DGKB: variants seen among roughly 807,000 people sequenced by gnomAD.
The protein encoded by DGKB is diacylglycerol kinase beta, also known as 90 kDa diacylglycerol kinase.
Under a neutral mutation model 114.3 loss-of-function variants are expected in DGKB, and 67 were observed. The ratio of observed to expected loss-of-function variants is 0.59; its 90% CI spans 0.48 to 0.72. DGKB has a LOEUF of 0.72. Ranked by LOEUF, DGKB falls within the 30% of genes least tolerant of loss-of-function variation. DGKB has a pLI of 0.00. For missense variants in DGKB, 907 were observed against 975.2 expected (o/e 0.93, Z 0.93); for synonymous variants, 398 against 323.1 (o/e 1.23, Z -2.49).
intron 1 of DGKB, among the ~76,000 whole-genome samples, chr7:14,897,629 A>C (rs1475825535): frequency 6.6e-6 from 1 of 151,932 alleles, no homozygotes; most frequent in African/African-American, 2.4e-5. Flanking sequence ...TAAAAATTTT[A>C]ATTTTGTGAT....
chr7:14,522,433 C>T (rs1789940751), intron 20 of DGKB, among the ~76,000 whole-genome samples: 1 of 152,136 alleles, frequency 6.6e-6, no homozygotes, highest in Admixed American at 6.6e-5. Flanking sequence ...TCCACTGATG[C>T]ACTGAATGCA....
At chr7:14,729,318 T>C (rs1006257012) in intron 5 of DGKB, among the ~76,000 whole-genome samples, 1 of 151,602 alleles carries the variant, frequency 6.6e-6, no homozygotes, top group Admixed American at 6.6e-5. Flanking sequence ...GAGACCAGGT[T>C]TCACCGTGTT....
At chr7:14,465,526 G>T (rs1047155422) in intron 21 of DGKB, among the ~76,000 whole-genome samples, 1 of 152,104 alleles carries the variant, frequency 6.6e-6, no homozygotes, top group Non-Finnish European at 1.5e-5. Context: ...CTAGTATTTG[G>T]GGGAACACAA....
intron 24 of DGKB, 35 bp from the exon 25 acceptor site, chr7:14,176,934 G>A (rs1009464634): frequency 6.2e-7 from 1 of 1,611,650 alleles, no homozygotes; most frequent in Non-Finnish European, 8.5e-7. Context: ...GTATTGCAAG[G>A]AAATACTTTA....
At chr7:14,640,059 A>G (rs1245374913) in intron 13 of DGKB, among the ~76,000 whole-genome samples, 2 of 152,214 alleles carry the variant, frequency 1.3e-5, no homozygotes, top group African/African-American at 4.8e-5. Flanking sequence ...ATTGCACAGG[A>G]GAAGGACAAA....
intron 23 of DGKB, among the ~76,000 whole-genome samples, chr7:14,325,608 G>A (rs552111219): frequency 3.0e-4 from 46 of 152,216 alleles, no homozygotes; most frequent in African/African-American, 9.9e-4. Context: ...ATCAATCAAA[G>A]CTGGACCAGA....
chr7:14,156,004 C>T (rs1487564813), intron 25 of DGKB, among the ~76,000 whole-genome samples: 1 of 152,066 alleles, frequency 6.6e-6, no homozygotes, highest in African/African-American at 2.4e-5. Context: ...ATATGAATAG[C>T]AGATGTTAGA....
chr7:14,919,117 C>CACACACAG (rs1185017856), intron 1 of DGKB, among the ~76,000 whole-genome samples: 21 of 151,130 alleles, frequency 1.4e-4, no homozygotes, highest in African/African-American at 4.9e-4. Context: ...CACACACACA[C>CACACACAG]ACACACAAAG....
intron 9 of DGKB, among the ~76,000 whole-genome samples, chr7:14,689,209 T>TTTTTTTTTA (rs1563917653): frequency 0.013 from 1,653 of 123,840 alleles, 54 homozygotes; most frequent in Admixed American, 0.035. Context: ...ATTTTTTTTT[T>TTTTTTTTTA]TTTTTTTTTT....
chr7:14,522,772 G>A (rs1789993931), intron 20 of DGKB, among the ~76,000 whole-genome samples: 2 of 152,078 alleles, frequency 1.3e-5, no homozygotes, highest in African/African-American at 2.4e-5. Flanking sequence ...ACAGTTTTTT[G>A]GGGAAAGAAT....
At chr7:14,657,513 AG>A in intron 13 of DGKB, among the ~76,000 whole-genome samples, 1 of 152,060 alleles carries the variant, frequency 6.6e-6, no homozygotes, top group South Asian at 2.1e-4. Context: ...TCAACAAAAA[AG>A]AACGTTGCAT....
chr7:14,300,455 T>C (rs937128096), intron 23 of DGKB, among the ~76,000 whole-genome samples: 3 of 152,162 alleles, frequency 2.0e-5, no homozygotes, highest in African/African-American at 7.2e-5. Context: ...AATGATATTG[T>C]TAAAATCACC....
intron 21 of DGKB, among the ~76,000 whole-genome samples, chr7:14,388,209 GAA>G (rs71033993): frequency 0.011 from 1,441 of 129,662 alleles, 25 homozygotes; most frequent in African/African-American, 0.039. Flanking sequence ...CCATAATTTG[GAA>G]AAAAAAAAAA....
At position 14,859,474 on chromosome 7, in the gene DGKB, G is replaced by C. The variant is rs193040625; in HGVS notation, c.-187-18024C>G. ...AAATGACTTCAAAAGGTGAAGCAGA[G>C]AGCTCAAGTACAGGGGAACACTGCA... is the stretch of plus-strand genomic sequence containing the variant. On this transcript the variant is annotated intron_variant, in intron 1 of 25. Coordinates refer to ENST00000402815, the MANE Select transcript of DGKB (RefSeq NM_001350709.2). Among the ~76,000 whole-genome samples the C allele has an allele frequency of 2.4e-3, 363 of 152,236 alleles. 13 individuals carry two copies. Among genetic ancestry groups the C allele is most frequent in the Admixed American group, 0.024 (361 of 15,284 alleles).
chr7:14,582,968 G>A, intron 18 of DGKB, 84 bp downstream of exon 18: 2 of 883,298 alleles, frequency 2.3e-6, no homozygotes, highest in Non-Finnish European at 1.9e-6. Flanking sequence ...CAAAGATAAT[G>A]ATACAAGCAA....
At chr7:14,621,589 C>A (rs1807667914) in intron 14 of DGKB, 95 bp from the exon 15 acceptor site, 3 of 707,582 alleles carry the variant, frequency 4.2e-6, no homozygotes, top group African/African-American at 3.6e-5. Flanking sequence ...TTCATGGTTA[C>A]AAACACAGGC....
At chr7:14,541,315 G>A (rs951803880) in intron 20 of DGKB, among the ~76,000 whole-genome samples, 2 of 152,126 alleles carry the variant, frequency 1.3e-5, no homozygotes, top group Non-Finnish European at 2.9e-5. Flanking sequence ...TCATTTGTGA[G>A]CACACTGAAG....
chr7:14,169,515 G>T (rs746911654), intron 25 of DGKB, among the ~76,000 whole-genome samples: 6 of 152,226 alleles, frequency 3.9e-5, no homozygotes, highest in Non-Finnish European at 7.4e-5. Context: ...GGCAAAAAAC[G>T]AAGTACTATG....
At chr7:14,422,943 T>C (rs2128768096) in intron 21 of DGKB, among the ~76,000 whole-genome samples, 1 of 152,084 alleles carries the variant, frequency 6.6e-6, no homozygotes, top group Admixed American at 6.6e-5. Context: ...TCAGCGCCTG[T>C]TTTGCTAGGG....
Sources: gnomAD v4.1 joint callset for allele counts (sites outside exome capture counted in the v4.1 genomes callset) on GRCh38, gnomAD v4.1.1 for gene constraint, MANE v1.5 for transcripts, NCBI Gene and HGNC (gene_info 2026-07-23, HGNC 2026-07-21) for gene names.